The following AMZ1 variants were observed in gnomAD, a reference collection of about 807,000 sequenced individuals.
The protein encoded by AMZ1 is archaemetzincin-1.
AMZ1 carries 39 observed loss-of-function variants against 29.9 expected under a neutral mutation model. That is an observed-to-expected ratio of 1.30 (90% CI 1.01 to 1.70). AMZ1 has a LOEUF of 1.70. Among genes scored for constraint, AMZ1 ranks in the 40% most tolerant of loss-of-function variants. AMZ1 has a pLI of 0.00. For synonymous variants in AMZ1, 458 were observed against 304.0 expected (o/e 1.51, Z -5.27); for missense variants, 1,041 against 680.6 (o/e 1.53, Z -5.89).
At chr7:2,689,375 G>C (rs534157615) in intron 1 of AMZ1, among the ~76,000 whole-genome samples, 48 of 152,234 alleles carry the variant, frequency 3.2e-4, no homozygotes, top group African/African-American at 1.0e-3. Flanking sequence ...CTCCCTGGGG[G>C]GGGGATGCGG....
intron 4 of AMZ1, among the ~76,000 whole-genome samples, chr7:2,749,666 A>G (rs1018272976): frequency 6.6e-6 from 1 of 152,182 alleles, no homozygotes; most frequent in African/African-American, 2.4e-5. Context: ...TATAATAATA[A>G]TAAAATAAAA....
chr7:2,735,833 C>G (rs1285316679), intron 4 of AMZ1, among the ~76,000 whole-genome samples: 1 of 152,166 alleles, frequency 6.6e-6, no homozygotes, highest in Non-Finnish European at 1.5e-5. Flanking sequence ...CGTGGGAAAG[C>G]TGCCACTGAA....
chr7:2,712,414 C>A lies in AMZ1; in HGVS notation c.1033C>A (p.Pro345Thr). 1 of 1,611,682 alleles carries A rather than the reference C, an allele frequency of 6.2e-7. No individual in the cohort carries two copies. Among genetic ancestry groups the A allele is most frequent in the Middle Eastern group, 1.7e-4 (1 of 6,044 alleles). Residue 345 changes from proline to threonine, a missense_variant, in exon 7 of 7, where the codon CCT (proline) becomes ACT (threonine). Transcript: ENST00000683327. ...GCCGTCAGTGTGGGAGGACACCCCG[C>A]CTGCCAGCGCCGACTCGGGCATGTG... The part of the protein sequence containing the change: ...GEPSVWEDTP[P>T]ASADSGMCCE...
chr7:2,741,990 A>ACAG, intron 4 of AMZ1, among the ~76,000 whole-genome samples: 1 of 151,910 alleles, frequency 6.6e-6, no homozygotes, highest in Admixed American at 6.6e-5. Flanking sequence ...ATGCCTCTTT[A>ACAG]GTTTCATTTA....
intron 4 of AMZ1, among the ~76,000 whole-genome samples, chr7:2,737,187 A>G (rs779826944): frequency 1.4e-4 from 21 of 151,998 alleles, no homozygotes; most frequent in Non-Finnish European, 2.8e-4. Flanking sequence ...CAAAGAAAAC[A>G]AACACCAACT....
chr7:2,751,327 GCTGCAGTGAGCCAAGA>G (rs554325021), intron 4 of AMZ1, among the ~76,000 whole-genome samples: 14 of 151,540 alleles, frequency 9.2e-5, no homozygotes, highest in African/African-American at 3.1e-4. Flanking sequence ...GAAGGCCGAG[GCTGCAGTGAGCCAAGA>G]CTGCACCACT....
At chr7:2,733,322 G>A (rs1170088229) in intron 4 of AMZ1, 8 of 744,570 alleles carry the variant, frequency 1.1e-5, no homozygotes, top group East Asian at 2.7e-5. Context: ...AGTACTATTC[G>A]TGGTAATGTG....
intron 1 of AMZ1, among the ~76,000 whole-genome samples, chr7:2,692,678 A>C (rs1787472170): frequency 6.6e-6 from 1 of 152,038 alleles, no homozygotes; most frequent in Non-Finnish European, 1.5e-5. Context: ...GGACTCTGAG[A>C]GGTTGCAGGG....
chr7:2,735,554 G>A (rs1396669698), intron 4 of AMZ1, among the ~76,000 whole-genome samples: 1 of 152,264 alleles, frequency 6.6e-6, no homozygotes, highest in African/African-American at 2.4e-5. Context: ...CAGGAGGGAC[G>A]TTTCCCTCGG....
In AMZ1 at chr7:2,712,962, G is replaced by C. The variant is rs934099867; in HGVS notation, c.*84G>C. 1.0e-5 allele frequency: 14 copies of C among 1,373,340 alleles called. No homozygotes were observed. In the African/African-American group the frequency reaches 2.1e-4, roughly 20 times the overall value. The allele number at this position is 1,373,340 out of a possible 1,614,324, so 85.1% of individuals were successfully genotyped here. On this transcript the variant is annotated 3_prime_UTR_variant, in exon 7 of 7. Coordinates refer to ENST00000683327, the MANE Select transcript of AMZ1 (RefSeq NM_001384743.1). ...AGCTGAGGCCACTACTGACCTGCCA[G>C]GGATAAAGAGGAAGGGTCTGCCTGG...
intron 4 of AMZ1, among the ~76,000 whole-genome samples, chr7:2,751,399 G>GAAA (rs67434697): frequency 3.2e-4 from 32 of 101,222 alleles, no homozygotes; most frequent in African/African-American, 1.0e-3. Flanking sequence ...AAAGAAAAAA[G>GAAA]AAAAAAAAAA....
At chr7:2,726,314 C>T (rs1789615236) in intron 4 of AMZ1, among the ~76,000 whole-genome samples, 1 of 152,238 alleles carries the variant, frequency 6.6e-6, no homozygotes, top group South Asian at 2.1e-4. Flanking sequence ...GAAATACAAT[C>T]CTCACCACAT....
At chr7:2,709,360 C>A (rs1262846600) in intron 5 of AMZ1, 116 bp downstream of exon 5, 1 of 1,179,766 alleles carries the variant, frequency 8.5e-7, no homozygotes, top group South Asian at 1.7e-5. Context: ...ACCCCTAACT[C>A]TATGGAATGA....
downstream of AMZ1, among the ~76,000 whole-genome samples, chr7:2,723,339 G>C (rs1028795731): frequency 1.3e-5 from 2 of 152,224 alleles, no homozygotes; most frequent in East Asian, 1.9e-4. Context: ...GCCTGGGTGA[G>C]CGGGAGAGCC....
At position 2,713,365 on chromosome 7, in the gene AMZ1, G is replaced by A. The variant is rs1344021983; in HGVS notation, c.*487G>A. 2 of 152,788 alleles carry A rather than the reference G, an allele frequency of 1.3e-5. No homozygotes were observed. The highest frequency in any genetic ancestry group is 4.8e-5 in the African/African-American group (2 of 41,480). 9.5% of individuals were successfully genotyped at this position (152,788 alleles called of 1,614,324 possible). On this transcript the variant is annotated 3_prime_UTR_variant, in exon 7 of 7. Coordinates refer to ENST00000683327, the MANE Select transcript of AMZ1 (RefSeq NM_001384743.1). The stretch of plus-strand genomic sequence containing the variant: ...CATGGAGAGGCCTCCCTGATCCTGG[G>A]TGCTTCTCGTGGAGTACAAGCCGGA...
At chr7:2,749,225 G>A (rs942458677) in intron 4 of AMZ1, among the ~76,000 whole-genome samples, 13 of 152,168 alleles carry the variant, frequency 8.5e-5, no homozygotes, top group East Asian at 3.9e-4. Context: ...TGTTTATTGC[G>A]GCACTATTCA....
chr7:2,725,700 C>T (rs1020678783), intron 4 of AMZ1, among the ~76,000 whole-genome samples: 1 of 152,254 alleles, frequency 6.6e-6, no homozygotes, highest in African/African-American at 2.4e-5. Flanking sequence ...TAGACTCTGC[C>T]TCTCCCTGGT....
rs1268443294 is a variant in AMZ1 at position 2,714,767 on chromosome 7, G to A, written c.*1889G>A. On this transcript the variant is annotated 3_prime_UTR_variant, in exon 7 of 7. Coordinates refer to ENST00000683327, the MANE Select transcript of AMZ1 (RefSeq NM_001384743.1). ...AATTTGGCTGGGAATCTCAGGCCTT[G>A]GTTCCTGCCCACGTGAGACTCTCCA... 6.6e-6 allele frequency: 1 copy of A among 152,254 alleles called. No homozygotes were observed. The highest frequency in any genetic ancestry group is 1.5e-5 in the Non-Finnish European group (1 of 68,048). 9.4% of individuals were successfully genotyped at this position (152,254 alleles called of 1,614,324 possible).
At chr7:2,700,105 C>G (rs997147865) in intron 1 of AMZ1, 129 bp from the exon 2 acceptor site, 1 of 299,156 alleles carries the variant, frequency 3.3e-6, no homozygotes, top group Admixed American at 4.5e-5. Context: ...GGGGCCAGGG[C>G]TCCCTCTGAC....
Sources: gnomAD v4.1 joint callset for allele counts (sites outside exome capture counted in the v4.1 genomes callset) on GRCh38, gnomAD v4.1.1 for gene constraint, MANE v1.5 for transcripts, NCBI Gene and HGNC (gene_info 2026-07-23, HGNC 2026-07-21) for gene names.